WWOX: variants seen among roughly 807,000 people sequenced by gnomAD.
WWOX encodes WW domain-containing oxidoreductase.
In WWOX, 69 loss-of-function variants were observed where a neutral mutation model predicts 46.2. That is an observed-to-expected ratio of 1.49 (90% confidence interval 1.23 to 1.82). The LOEUF (loss-of-function observed/expected upper bound fraction) is 1.82, where lower values mean the gene tolerates loss of function less well. WWOX is among the 40% of genes most tolerant of loss of function. WWOX has a pLI of 0.00. For missense variants in WWOX, 919 were observed against 542.6 expected, an observed-to-expected ratio of 1.69 and a Z score of -6.89; for synonymous variants, 359 against 202.6, an observed-to-expected ratio of 1.77 and a Z score of -6.56.
intron 8 of WWOX, among the ~76,000 whole-genome samples, chr16:79,122,718 A>T (rs1279755394): frequency 1.3e-5 from 2 of 152,090 alleles, no homozygotes; most frequent in East Asian, 3.9e-4. Context: ...ACTGAGGTAA[A>T]ATTTGTACAG....
intron 8 of WWOX, among the ~76,000 whole-genome samples, chr16:78,741,967 CTCTG>C (rs1232008068): frequency 6.6e-6 from 1 of 152,154 alleles, no homozygotes; most frequent in African/African-American, 2.4e-5. Flanking sequence ...TGGACATTAT[CTCTG>C]TCTCTCTCCC....
At chr16:78,561,538 G>A (rs892777043) in intron 8 of WWOX, among the ~76,000 whole-genome samples, 5 of 152,032 alleles carry the variant, frequency 3.3e-5, no homozygotes, top group African/African-American at 9.7e-5. Context: ...ACCATGGACC[G>A]GGAATCCGGG....
intron 8 of WWOX, among the ~76,000 whole-genome samples, chr16:78,617,098 C>G (rs2550586): frequency 0.47 from 71,353 of 151,964 alleles, 17,854 homozygotes; most frequent in Middle Eastern, 0.58. Flanking sequence ...CCCTCCACAT[C>G]AACTGGTCAG....
intron 5 of WWOX, among the ~76,000 whole-genome samples, chr16:78,362,470 G>T (rs9928454): frequency 6.6e-6 from 1 of 151,816 alleles, no homozygotes; most frequent in Admixed American, 6.6e-5. Flanking sequence ...ATTAACAGGC[G>T]TGGTGGCAGG....
intron 8 of WWOX, among the ~76,000 whole-genome samples, chr16:78,720,089 C>T (rs1032162405): frequency 1.3e-5 from 2 of 152,132 alleles, no homozygotes; most frequent in East Asian, 1.9e-4. Flanking sequence ...TATTGTTATT[C>T]TGCAAGTTGA....
chr16:79,087,345 T>C (rs1385283096), intron 8 of WWOX, among the ~76,000 whole-genome samples: 3 of 152,184 alleles, frequency 2.0e-5, no homozygotes, highest in African/African-American at 4.8e-5. Flanking sequence ...GAAGCTAGCA[T>C]GGGCAGGGGA....
In WWOX at chr16:78,463,275, A is replaced by G. The variant is rs1185299689; in HGVS notation, c.1056+30523A>G. 6.6e-5 allele frequency among the ~76,000 whole-genome samples: 10 copies of G among 152,172 alleles called. No homozygotes were observed. In the East Asian group the frequency reaches 1.9e-3, roughly 29 times the overall value. ...GCATGTTGGAGGTGCCCTTGCAGGT[A>G]TAGGTAGGCATTGTCCATCCGTGGT... On this transcript the variant is annotated intron_variant, in intron 8 of 8. Coordinates refer to ENST00000566780, the MANE Select transcript of WWOX (RefSeq NM_016373.4).
At chr16:78,448,900 C>T (rs2083622590) in intron 8 of WWOX, among the ~76,000 whole-genome samples, 1 of 152,204 alleles carries the variant, frequency 6.6e-6, no homozygotes, top group South Asian at 2.1e-4. Context: ...ATTATAATGA[C>T]ACCTGAGGTC....
At chr16:78,887,511 AC>A (rs2044492599) in intron 8 of WWOX, among the ~76,000 whole-genome samples, 1 of 136,596 alleles carries the variant, frequency 7.3e-6, no homozygotes, top group African/African-American at 2.7e-5. Flanking sequence ...ACACACACAC[AC>A]ACACACAAGA....
At chr16:79,127,924 G>A (rs1299752381) in intron 8 of WWOX, among the ~76,000 whole-genome samples, 1 of 152,188 alleles carries the variant, frequency 6.6e-6, no homozygotes, top group Non-Finnish European at 1.5e-5. Context: ...CAGGAAATCA[G>A]TACAACTTGC....
At chr16:78,436,615 T>G (rs771011190) in intron 8 of WWOX, among the ~76,000 whole-genome samples, 5 of 152,216 alleles carry the variant, frequency 3.3e-5, no homozygotes, top group Non-Finnish European at 7.3e-5. Flanking sequence ...TTTTTGCCAT[T>G]GAAAGTAATA....
At chr16:78,977,811 C>T (rs762856838) in intron 8 of WWOX, among the ~76,000 whole-genome samples, 103 of 152,118 alleles carry the variant, frequency 6.8e-4, no homozygotes, top group Non-Finnish European at 1.2e-3. Context: ...CACCAAGCTC[C>T]CATCTGGGAA....
At chr16:78,981,476 C>T (rs781524930) in intron 8 of WWOX, among the ~76,000 whole-genome samples, 23 of 150,558 alleles carry the variant, frequency 1.5e-4, no homozygotes, top group Non-Finnish European at 2.9e-4. Context: ...CTTGCTCTGT[C>T]ATCCAGGCTG....
At chr16:79,156,714 A>T (rs1055571173) in intron 8 of WWOX, among the ~76,000 whole-genome samples, 1 of 151,282 alleles carries the variant, frequency 6.6e-6, no homozygotes, top group Non-Finnish European at 1.5e-5. Context: ...AGGATTTCAA[A>T]TTTAAGAGGG....
chr16:78,298,624 T>A (rs1274481733), intron 5 of WWOX, among the ~76,000 whole-genome samples: 1 of 152,110 alleles, frequency 6.6e-6, no homozygotes, highest in Non-Finnish European at 1.5e-5. Flanking sequence ...AAACCTTGCC[T>A]CTACTAAAAA....
intron 8 of WWOX, among the ~76,000 whole-genome samples, chr16:78,980,414 A>C (rs1161017151): frequency 6.6e-6 from 1 of 152,178 alleles, no homozygotes; most frequent in Non-Finnish European, 1.5e-5. Context: ...GCTGTAACCA[A>C]GTCTACACGA....
intron 8 of WWOX, among the ~76,000 whole-genome samples, chr16:78,726,658 C>T (rs1295106233): frequency 6.6e-6 from 1 of 151,736 alleles, no homozygotes; most frequent in African/African-American, 2.4e-5. Flanking sequence ...GTCAACTAAA[C>T]AATTTATTAG....
At chr16:78,451,586 A>AT (rs1864046789) in intron 8 of WWOX, among the ~76,000 whole-genome samples, 1 of 151,938 alleles carries the variant, frequency 6.6e-6, no homozygotes, top group African/African-American at 2.4e-5. Context: ...TGGGCTTTGG[A>AT]TTTTCTTTTT....
At chr16:78,706,467 C>T (rs923450141) in intron 8 of WWOX, among the ~76,000 whole-genome samples, 4 of 152,178 alleles carry the variant, frequency 2.6e-5, no homozygotes, top group African/African-American at 9.6e-5. Flanking sequence ...ATCTCTGTTG[C>T]TTTCCTGGGG....
Sources: gnomAD v4.1 joint callset for allele counts (sites outside exome capture counted in the v4.1 genomes callset) on GRCh38, gnomAD v4.1.1 for gene constraint, MANE v1.5 for transcripts, NCBI Gene and HGNC (gene_info 2026-07-23, HGNC 2026-07-21) for gene names.